CDH13: variants seen among roughly 807,000 people sequenced by gnomAD.
CDH13 encodes cadherin-13.
Under a neutral mutation model 63.8 loss-of-function variants are expected in CDH13, and 24 were observed. That is an observed-to-expected ratio of 0.38 (90% CI 0.27 to 0.53). The LOEUF (loss-of-function observed/expected upper bound fraction) is 0.53. Among genes scored for constraint, CDH13 ranks in the 20% least tolerant of loss-of-function variants. The probability of loss-of-function intolerance (pLI) is 0.85; values close to 1 mark genes in which losing one functional copy is unlikely to be tolerated. For synonymous variants in CDH13, 503 were observed against 355.3 expected, an observed-to-expected ratio of 1.42 and a Z score of -4.67; for missense variants, 1,049 against 903.1, an observed-to-expected ratio of 1.16 and a Z score of -2.07.
intron 7 of CDH13, among the ~76,000 whole-genome samples, chr16:83,513,312 G>A (rs920869526): frequency 2.6e-5 from 4 of 152,118 alleles, no homozygotes; most frequent in Non-Finnish European, 5.9e-5. Context: ...CAGGCATCAT[G>A]GGACCTGAAA....
chr16:83,369,585 A>AT (rs1319119786), intron 6 of CDH13, among the ~76,000 whole-genome samples: 1 of 151,966 alleles, frequency 6.6e-6, no homozygotes, highest in Non-Finnish European at 1.5e-5. Flanking sequence ...GGCCCTGCCA[A>AT]TTTTTTTAAA....
At chr16:82,661,025 G>C (rs534341661) in intron 1 of CDH13, among the ~76,000 whole-genome samples, 7 of 152,328 alleles carry the variant, frequency 4.6e-5, no homozygotes, top group African/African-American at 1.7e-4. Context: ...CATGGCAGTG[G>C]CCACTTCAAA....
intron 1 of CDH13, among the ~76,000 whole-genome samples, chr16:82,815,290 T>A (rs770198316): frequency 6.6e-6 from 1 of 152,130 alleles, no homozygotes; most frequent in Non-Finnish European, 1.5e-5. Flanking sequence ...GCTCCACCCA[T>A]GACTAGTCAC....
Position 83,028,540 on chromosome 16 carries a change from C to A in CDH13, c.158-3470C>A, listed in dbSNP as rs58243503. Among the ~76,000 whole-genome samples the A allele has an allele frequency of 3.5e-3, 529 of 152,254 alleles. 4 individuals are homozygous for A. The highest frequency in any genetic ancestry group is 0.012 in the African/African-American group (514 of 41,532). The stretch of plus-strand genomic sequence containing the variant: ...CTCTCTACAGTAGTCCCTGCTTGTC[C>A]TCAGGGGATGTGTCACAAGACCTAC... On this transcript the variant is annotated intron_variant, in intron 2 of 13. Transcript: ENST00000567109.
intron 6 of CDH13, among the ~76,000 whole-genome samples, chr16:83,438,602 C>G (rs769683348): frequency 5.3e-5 from 8 of 152,182 alleles, no homozygotes; most frequent in Admixed American, 6.5e-5. Flanking sequence ...GGATAGGAGA[C>G]ATTATTTAAA....
At chr16:82,966,253 A>G (rs1448974922) in intron 2 of CDH13, among the ~76,000 whole-genome samples, 3 of 152,262 alleles carry the variant, frequency 2.0e-5, no homozygotes, top group East Asian at 1.9e-4. Context: ...GGTTGACGCC[A>G]TTCTCCTGCC....
chr16:83,455,633 C>T (rs774522485), intron 6 of CDH13, among the ~76,000 whole-genome samples: 3 of 152,186 alleles, frequency 2.0e-5, no homozygotes, highest in Non-Finnish European at 1.5e-5. Context: ...TGGTATCCGT[C>T]AATCCCTAGA....
intron 1 of CDH13, chr16:82,639,504 A>G (rs1317343302): frequency 2.9e-6 from 4 of 1,361,102 alleles, no homozygotes; most frequent in East Asian, 5.0e-5. Flanking sequence ...GCTGGATGGA[A>G]TTCTTCCCTA....
At chr16:83,156,430 A>T (rs1365361648) in intron 4 of CDH13, among the ~76,000 whole-genome samples, 1 of 152,150 alleles carries the variant, frequency 6.6e-6, no homozygotes, top group African/African-American at 2.4e-5. Flanking sequence ...GCCCTCTAAG[A>T]TACACACCCC....
chr16:83,659,587 C>G (rs1026990389), intron 8 of CDH13, among the ~76,000 whole-genome samples: 4 of 152,212 alleles, frequency 2.6e-5, no homozygotes, highest in African/African-American at 9.6e-5. Flanking sequence ...TGGGCCCCAT[C>G]CAAGAACGAT....
chr16:83,282,446 G>A (rs537004918), intron 5 of CDH13, among the ~76,000 whole-genome samples: 7 of 152,198 alleles, frequency 4.6e-5, no homozygotes, highest in Non-Finnish European at 8.8e-5. Flanking sequence ...CTGTGAATAG[G>A]AGAAGCTAAA....
intron 6 of CDH13, among the ~76,000 whole-genome samples, chr16:83,444,965 A>G (rs1056691939): frequency 3.3e-5 from 5 of 152,194 alleles, no homozygotes; most frequent in African/African-American, 1.2e-4. Flanking sequence ...AGCTCTTAAG[A>G]AAGGATGGCA....
chr16:82,722,217 A>G (rs1220542403), intron 1 of CDH13, among the ~76,000 whole-genome samples: 1 of 152,198 alleles, frequency 6.6e-6, no homozygotes, highest in Non-Finnish European at 1.5e-5. Flanking sequence ...TGTATAGTTC[A>G]CTTAACTGAA....
Position 83,137,600 on chromosome 16 carries a change from C to T in CDH13, c.483+12099C>T, listed in dbSNP as rs146585490. On this transcript the variant is annotated intron_variant, in intron 4 of 13. Transcript: ENST00000567109. Reference sequence around the variant, plus strand: ...TGGTGTCTCCGCTGACAACCCTGTTCAAAGAGAGCCACAAGGAATGAAAGT... The same window carrying T: ...TGGTGTCTCCGCTGACAACCCTGTTTAAAGAGAGCCACAAGGAATGAAAGT... 3.1e-3 allele frequency among the ~76,000 whole-genome samples: 471 copies of T among 152,218 alleles called. 1 individual carries two copies. Among genetic ancestry groups the T allele is most frequent in the Middle Eastern group, 0.017 (5 of 294 alleles).
intron 6 of CDH13, among the ~76,000 whole-genome samples, chr16:83,466,088 C>T (rs2151531913): frequency 6.6e-6 from 1 of 152,330 alleles, no homozygotes; most frequent in Admixed American, 6.5e-5. Context: ...CCCGCAACCC[C>T]ATGGTCAAGC....
At chr16:82,790,991 A>T (rs899096118) in intron 1 of CDH13, among the ~76,000 whole-genome samples, 1 of 152,124 alleles carries the variant, frequency 6.6e-6, no homozygotes, top group South Asian at 2.1e-4. Context: ...TAATCCCAGC[A>T]CTTTGGGAGG....
chr16:82,704,156 G>T (rs371369292), intron 1 of CDH13, among the ~76,000 whole-genome samples: 1 of 152,132 alleles, frequency 6.6e-6, no homozygotes, highest in Non-Finnish European at 1.5e-5. Context: ...AAAGAAAGAG[G>T]TGGGGGTGGG....
intron 5 of CDH13, among the ~76,000 whole-genome samples, chr16:83,277,125 C>T (rs1442850201): frequency 1.3e-5 from 2 of 152,108 alleles, no homozygotes; most frequent in Non-Finnish European, 2.9e-5. Flanking sequence ...ATACCTGTTA[C>T]AAAATGGGCA....
intron 7 of CDH13, among the ~76,000 whole-genome samples, chr16:83,543,750 A>G (rs1027806691): frequency 6.6e-6 from 1 of 152,194 alleles, no homozygotes; most frequent in Admixed American, 6.5e-5. Flanking sequence ...CATCTAATGG[A>G]CAGTGGCCAG....
Sources: allele counts gnomAD v4.1 joint callset (sites outside exome capture counted in the v4.1 genomes callset), GRCh38; gene constraint gnomAD v4.1.1; transcripts MANE v1.5; gene names NCBI Gene and HGNC (gene_info 2026-07-23, HGNC 2026-07-21).